EIF3H: variants seen among roughly 807,000 people sequenced by gnomAD.
EIF3H encodes eIF-3-gamma.
A neutral mutation model predicts 44.2 loss-of-function variants in EIF3H; 26 were observed. The ratio of observed to expected loss-of-function variants is 0.59; its 90% CI spans 0.43 to 0.82. The LOEUF (loss-of-function observed/expected upper bound fraction) is 0.82. Ranked by LOEUF, EIF3H falls within the 40% of genes least tolerant of loss-of-function variation. The pLI, the probability that EIF3H is intolerant of heterozygous loss-of-function variation, is 0.00. For missense variants in EIF3H, 359 were observed against 432.8 expected (o/e 0.83, Z 1.51); for synonymous variants, 166 against 151.9 (o/e 1.09, Z -0.68).
intron 1 of EIF3H, 83 bp from the exon 2 acceptor site, chr8:116,726,255 C>A: frequency 1.4e-6 from 2 of 1,464,422 alleles, no homozygotes; most frequent in Non-Finnish European, 1.8e-6. Flanking sequence ...ACAAAAGAAA[C>A]TGTACTAGGT....
At chr8:116,671,472 A>C (rs955481215) in intron 2 of EIF3H, among the ~76,000 whole-genome samples, 8 of 152,236 alleles carry the variant, frequency 5.3e-5, no homozygotes, top group African/African-American at 1.9e-4. Flanking sequence ...AAAGATTATG[A>C]GGCTCAGTTA....
At chr8:116,654,351 C>G (rs1467881923) in intron 5 of EIF3H, among the ~76,000 whole-genome samples, 2 of 152,146 alleles carry the variant, frequency 1.3e-5, no homozygotes, top group Non-Finnish European at 2.9e-5. Flanking sequence ...ACATTATAGA[C>G]CAGCTCATTG....
At chr8:116,756,099 A>C (rs1815446005), upstream of EIF3H, 2 of 1,196,470 alleles carry the variant, frequency 1.7e-6, no homozygotes, top group Non-Finnish European at 1.2e-6. Context: ...AGTTCGCATT[A>C]TTTCTGTAGT....
chr8:116,646,618 GA>G lies in EIF3H; in HGVS notation c.829-16del. 6.2e-7 allele frequency: 1 copy of G among 1,613,066 alleles called. No individual in the cohort carries two copies. The highest frequency in any genetic ancestry group is 8.5e-7 in the Non-Finnish European group (1 of 1,179,232). On this transcript the variant is annotated splice_polypyrimidine_tract_variant and intron_variant, in intron 6 of 7. Transcript: ENST00000521861. ...CGCTGCTGATACTAAAATTCAAAGG[GA>G]AAATGGTTTGGTTATTTTTCTCCAT...
intron 1 of EIF3H, among the ~76,000 whole-genome samples, chr8:116,741,733 T>C (rs117216828): frequency 1.3e-5 from 2 of 152,362 alleles, no homozygotes; most frequent in East Asian, 1.9e-4. Flanking sequence ...AAAGAAACTG[T>C]AATGCTGTAA....
rs539474387 is a variant in EIF3H, at chr8:116,661,559, G to T, written c.290-2579C>A. ...CTGAGAACCCAATCCCAGTCAAAACGCTATTATTCCACATTGTTCACTGGA... is the reference window on the plus strand; with the variant it reads ...CTGAGAACCCAATCCCAGTCAAAACTCTATTATTCCACATTGTTCACTGGA... On this transcript the variant is annotated intron_variant, in intron 2 of 7. Transcript: ENST00000521861. Among the ~76,000 whole-genome samples the T allele has an allele frequency of 3.2e-4, 49 of 152,190 alleles. 1 individual carries two copies. Among genetic ancestry groups the T allele is most frequent in the African/African-American group, 1.2e-3 (49 of 41,528 alleles).
chr8:116,746,865 C>G (rs1347240392), intron 1 of EIF3H, among the ~76,000 whole-genome samples: 1 of 151,628 alleles, frequency 6.6e-6, no homozygotes, highest in Admixed American at 6.6e-5. Flanking sequence ...TTTTCACTCA[C>G]AGCAAAAAAA....
intron 1 of EIF3H, among the ~76,000 whole-genome samples, chr8:116,745,218 T>C (rs1815211082): frequency 6.6e-6 from 1 of 152,258 alleles, no homozygotes; most frequent in Admixed American, 6.5e-5. Flanking sequence ...CATATTCCAT[T>C]TACTTGGGAA....
chr8:116,676,254 G>A (rs984454869), intron 2 of EIF3H, among the ~76,000 whole-genome samples: 1 of 152,180 alleles, frequency 6.6e-6, no homozygotes, highest in Non-Finnish European at 1.5e-5. Flanking sequence ...ATACAAAGTG[G>A]GGAAGAACAC....
chr8:116,669,310 T>C (rs752252843), intron 2 of EIF3H, among the ~76,000 whole-genome samples: 1 of 152,210 alleles, frequency 6.6e-6, no homozygotes, highest in Non-Finnish European at 1.5e-5. Context: ...AACAATATAA[T>C]TGCATTGTAC....
chr8:116,655,726 T>C (rs1203537227), intron 5 of EIF3H, 130 bp downstream of exon 5: 5 of 954,770 alleles, frequency 5.2e-6, no homozygotes, highest in African/African-American at 3.4e-5. Flanking sequence ...TACTCCATGT[T>C]ATACATGTTT....
intron 5 of EIF3H, among the ~76,000 whole-genome samples, chr8:116,650,725 C>CTT (rs1813374999): frequency 6.6e-6 from 1 of 152,126 alleles, no homozygotes; most frequent in Non-Finnish European, 1.5e-5. Flanking sequence ...TGCAGTGGGG[C>CTT]GACCTCCACC....
chr8:116,727,275 G>A (rs1018100606), intron 1 of EIF3H, among the ~76,000 whole-genome samples: 3 of 151,992 alleles, frequency 2.0e-5, no homozygotes, highest in East Asian at 1.9e-4. Context: ...AAGTGGAAAC[G>A]AAGCTAAAAA....
At chr8:116,759,731 GCGCA>G, upstream of EIF3H, among the ~76,000 whole-genome samples, 1 of 152,018 alleles carries the variant, frequency 6.6e-6, no homozygotes, top group Non-Finnish European at 1.5e-5. Context: ...GCGTGTGCGC[GCGCA>G]CACACGCACA....
intron 1 of EIF3H, among the ~76,000 whole-genome samples, chr8:116,754,383 T>C (rs145327379): frequency 0.01 from 1,546 of 152,284 alleles, 27 homozygotes; most frequent in African/African-American, 0.035. Context: ...AGTGCTGGGA[T>C]TACAGCCGTG....
intron 2 of EIF3H, among the ~76,000 whole-genome samples, chr8:116,660,916 A>T (rs1200398611): frequency 2.0e-5 from 3 of 152,346 alleles, no homozygotes; most frequent in African/African-American, 7.2e-5. Context: ...TCACTACCTT[A>T]GAAACCTATT....
intron 2 of EIF3H, among the ~76,000 whole-genome samples, chr8:116,691,659 T>C (rs140059697): frequency 8.4e-4 from 128 of 152,158 alleles, no homozygotes; most frequent in African/African-American, 3.0e-3. Flanking sequence ...AGGATCACTT[T>C]AGGCCAGGAG....
At chr8:116,748,171 AAAAACAAAAC>A (rs1586492911) in intron 1 of EIF3H, among the ~76,000 whole-genome samples, 4 of 150,830 alleles carry the variant, frequency 2.7e-5, no homozygotes, top group African/African-American at 9.9e-5. Flanking sequence ...AAAAAAAAAC[AAAAACAAAAC>A]AAAACAAAAT....
rs1297792787 is a variant in EIF3H at position 116,697,113 on chromosome 8, ATCTC to A, written c.289+28899_289+28902del. ...ATCACCACCCAGCTGTCCCTGGTGA[ATCTC>A]ACTCTCTTAGTGTCCAACCAAATTC... On this transcript the variant is annotated intron_variant, in intron 2 of 7. Coordinates refer to ENST00000521861, the MANE Select transcript of EIF3H (RefSeq NM_003756.3). 4.8e-5 allele frequency: 22 copies of A among 456,244 alleles called. No homozygotes were observed. The Admixed American group carries it at 4.9e-4, about 10-fold the overall frequency. The allele number at this position is 456,244 out of a possible 1,614,324, so 28.3% of individuals were successfully genotyped here.
Sources: allele counts gnomAD v4.1 joint callset (sites outside exome capture counted in the v4.1 genomes callset), GRCh38; gene constraint gnomAD v4.1.1; transcripts MANE v1.5; gene names NCBI Gene and HGNC (gene_info 2026-07-23, HGNC 2026-07-21).